The following CHCHD3 variants were observed in gnomAD, a reference collection of about 807,000 sequenced individuals.
CHCHD3 encodes the protein MICOS complex subunit MIC19.
Under a neutral mutation model 38.2 loss-of-function variants are expected in CHCHD3, and 20 were observed. The observed-to-expected ratio is 0.52, with a 90% CI of 0.37 to 0.76. The LOEUF (loss-of-function observed/expected upper bound fraction) is 0.76. Ranked by LOEUF, CHCHD3 falls within the 30% of genes least tolerant of loss-of-function variation. The pLI is 0.00. For synonymous variants in CHCHD3, 82 were observed against 100.0 expected, an observed-to-expected ratio of 0.82 and a Z score of 1.07; for missense variants, 245 against 279.2, an observed-to-expected ratio of 0.88 and a Z score of 0.87.
intron 6 of CHCHD3, among the ~76,000 whole-genome samples, chr7:132,822,694 G>A (rs78602928): frequency 0.016 from 2,484 of 152,182 alleles, 71 homozygotes; most frequent in African/African-American, 0.057. Flanking sequence ...CAGTTGGAAG[G>A]AACAGTCACA....
intron 4 of CHCHD3, among the ~76,000 whole-genome samples, chr7:132,935,332 T>C (rs1810610920): frequency 6.6e-6 from 1 of 152,228 alleles, no homozygotes; most frequent in Admixed American, 6.5e-5. Context: ...TGGAGGTTGC[T>C]ACCTACTATT....
At chr7:133,018,875 CTTTTTTT>C (rs5887607) in intron 3 of CHCHD3, among the ~76,000 whole-genome samples, 3 of 70,162 alleles carry the variant, frequency 4.3e-5, no homozygotes, top group Middle Eastern at 0.038. Context: ...CATGATTTCT[CTTTTTTT>C]TTTTTTTTTT....
At chr7:132,936,028 C>G (rs544382022) in intron 4 of CHCHD3, among the ~76,000 whole-genome samples, 2 of 152,172 alleles carry the variant, frequency 1.3e-5, no homozygotes, top group Non-Finnish European at 2.9e-5. Context: ...AATCCATTCA[C>G]GAGTGCACTG....
intron 3 of CHCHD3, among the ~76,000 whole-genome samples, chr7:133,000,043 C>T (rs1163979291): frequency 6.6e-6 from 1 of 152,084 alleles, no homozygotes; most frequent in African/African-American, 2.4e-5. Context: ...TTTATCAGAT[C>T]AGCAATTTTA....
At chr7:132,834,949 TTTATTTA>T (rs1807740538) in intron 6 of CHCHD3, among the ~76,000 whole-genome samples, 1 of 82,470 alleles carries the variant, frequency 1.2e-5, no homozygotes, top group South Asian at 4.9e-4. Context: ...TTTCCTCTCA[TTTATTTA>T]TTTATTTATT....
chr7:132,853,635 T>G (rs1044482155), intron 5 of CHCHD3, among the ~76,000 whole-genome samples: 5 of 151,892 alleles, frequency 3.3e-5, no homozygotes, highest in East Asian at 1.9e-4. Context: ...AAAATAAAAA[T>G]AAAAAGAACT....
chr7:132,947,287 A>G (rs1236820452), intron 4 of CHCHD3, among the ~76,000 whole-genome samples: 1 of 151,940 alleles, frequency 6.6e-6, no homozygotes, highest in Admixed American at 6.6e-5. Context: ...GAGGCACTTT[A>G]TCTCAATATC....
intron 4 of CHCHD3, among the ~76,000 whole-genome samples, chr7:132,916,961 C>T (rs974228546): frequency 1.3e-5 from 2 of 152,100 alleles, no homozygotes; most frequent in African/African-American, 2.4e-5. Flanking sequence ...GGTTTGGTAC[C>T]ATCTGCATTT....
intron 2 of CHCHD3, among the ~76,000 whole-genome samples, chr7:133,068,865 A>G (rs1814743996): frequency 1.3e-5 from 2 of 152,194 alleles, no homozygotes; most frequent in South Asian, 4.1e-4. Flanking sequence ...GTGAAAATAA[A>G]GGTTGATTTG....
chr7:132,813,873 G>T (rs1057136943), intron 6 of CHCHD3, among the ~76,000 whole-genome samples: 13 of 152,158 alleles, frequency 8.5e-5, no homozygotes, highest in African/African-American at 2.7e-4. Flanking sequence ...CCAGCATGGG[G>T]TACATAATGA....
chr7:133,060,318 G>A (rs958576064), intron 2 of CHCHD3, among the ~76,000 whole-genome samples: 9 of 152,260 alleles, frequency 5.9e-5, no homozygotes, highest in African/African-American at 2.2e-4. Context: ...GTCCTGGGAG[G>A]ACCAATGAGA....
intron 2 of CHCHD3, among the ~76,000 whole-genome samples, chr7:133,044,801 G>A (rs570907114): frequency 2.8e-4 from 42 of 152,376 alleles, no homozygotes; most frequent in Admixed American, 1.1e-3. Context: ...AGACTTGGGA[G>A]AGGGAATCCA....
At chr7:132,790,683 G>A (rs3807327) in intron 7 of CHCHD3, among the ~76,000 whole-genome samples, 34,144 of 152,090 alleles carry the variant, frequency 0.22, 4,296 homozygotes, top group African/African-American at 0.32. Flanking sequence ...ATGCTCCTGG[G>A]GGGCTTCCCA....
chr7:132,834,947 CATTTATTTATTTATTTATTTATTT>C (rs71529781), intron 6 of CHCHD3, among the ~76,000 whole-genome samples: 2 of 147,294 alleles, frequency 1.4e-5, no homozygotes, highest in African/African-American at 2.5e-5. Context: ...TTTTTCCTCT[CATTTATTTATTTATTTATTTATTT>C]ATTTATTTAT....
intron 2 of CHCHD3, among the ~76,000 whole-genome samples, chr7:133,048,804 TGA>T (rs1554404479): frequency 6.6e-6 from 1 of 152,124 alleles, no homozygotes; most frequent in Non-Finnish European, 1.5e-5. Flanking sequence ...ATCCACAAAG[TGA>T]GAGAGCAAGC....
chr7:132,975,977 G>A (rs956636355), intron 3 of CHCHD3, among the ~76,000 whole-genome samples: 3 of 150,208 alleles, frequency 2.0e-5, no homozygotes, highest in South Asian at 4.2e-4. Context: ...GGTAACCATC[G>A]TCTCTTTCTC....
At chr7:132,899,221 TGGA>T (rs1275823460) in intron 4 of CHCHD3, among the ~76,000 whole-genome samples, 1 of 150,978 alleles carries the variant, frequency 6.6e-6, no homozygotes, top group Non-Finnish European at 1.5e-5. Context: ...GTGGGAAGGG[TGGA>T]GGAGAGAAGG....
rs182300085 is a variant in CHCHD3, at chr7:133,046,572, G to T, written c.170-21945C>A. Among the ~76,000 whole-genome samples the T allele has an allele frequency of 2.4e-4, 13 of 53,750 alleles. 1 individual carries two copies. Among genetic ancestry groups the T allele is most frequent in the South Asian group, 9.3e-4 (1 of 1,080 alleles). The allele number at this position is 53,750 out of a possible 152,430, so 35.3% of individuals were successfully genotyped here. On this transcript the variant is annotated intron_variant, in intron 2 of 7. Coordinates refer to ENST00000262570, the MANE Select transcript of CHCHD3 (RefSeq NM_017812.4). ...TTTTGTAATGCTATGTATTTTTTTG[G>T]GGGGGGGAGACGGAGTCTCCCTTCT...
At chr7:132,793,606 G>A (rs905763435) in intron 7 of CHCHD3, among the ~76,000 whole-genome samples, 3 of 152,132 alleles carry the variant, frequency 2.0e-5, no homozygotes, top group Non-Finnish European at 2.9e-5. Flanking sequence ...AGGAATATCC[G>A]GAAATTTTCC....
Sources: allele counts gnomAD v4.1 joint callset (sites outside exome capture counted in the v4.1 genomes callset), GRCh38; gene constraint gnomAD v4.1.1; transcripts MANE v1.5; gene names NCBI Gene and HGNC (gene_info 2026-07-23, HGNC 2026-07-21).